The following PIP4K2A variants were observed in gnomAD, a reference collection of about 807,000 sequenced individuals.
The protein encoded by PIP4K2A is phosphatidylinositol-5-phosphate 4-kinase type 2 alpha, also known as phosphatidylinositol 5-phosphate 4-kinase type-2 alpha.
PIP4K2A carries 14 observed loss-of-function variants against 42.9 expected under a neutral mutation model. The observed-to-expected ratio is 0.33, with a 90% CI of 0.22 to 0.51. The LOEUF (loss-of-function observed/expected upper bound fraction) is 0.51, where lower values mean the gene tolerates loss of function less well. Among genes scored for constraint, PIP4K2A ranks in the 20% least tolerant of loss-of-function variants. The probability of loss-of-function intolerance (pLI) is 0.97; values close to 1 mark genes in which losing one functional copy is unlikely to be tolerated. For synonymous variants in PIP4K2A, 192 were observed against 192.2 expected (o/e 1.00, Z 0.01); for missense variants, 434 against 519.8 (o/e 0.83, Z 1.61).
intron 1 of PIP4K2A, among the ~76,000 whole-genome samples, chr10:22,647,128 A>C (rs1464881862): frequency 2.6e-5 from 4 of 152,232 alleles, no homozygotes; most frequent in Non-Finnish European, 4.4e-5. Context: ...TGGCCAAAGC[A>C]GAATAGGAAA....
At chr10:22,682,953 T>C (rs1196936517) in intron 1 of PIP4K2A, among the ~76,000 whole-genome samples, 1 of 152,198 alleles carries the variant, frequency 6.6e-6, no homozygotes, top group African/African-American at 2.4e-5. Flanking sequence ...TGTGCGGTCA[T>C]CTACCATGTC....
chr10:22,624,226 C>T (rs557129242), intron 1 of PIP4K2A, among the ~76,000 whole-genome samples: 25 of 152,302 alleles, frequency 1.6e-4, no homozygotes, highest in African/African-American at 6.0e-4. Flanking sequence ...CTGGGTTCCT[C>T]TGCTAGGAAA....
intron 7 of PIP4K2A, among the ~76,000 whole-genome samples, chr10:22,549,351 CTTTTTT>C (rs74261081): frequency 7.0e-6 from 1 of 141,872 alleles, no homozygotes; most frequent in Non-Finnish European, 1.5e-5. Flanking sequence ...TTTTCTTTTT[CTTTTTT>C]TTTTTTTGGT....
At chr10:22,575,909 G>A (rs1049121465) in intron 4 of PIP4K2A, among the ~76,000 whole-genome samples, 11 of 151,612 alleles carry the variant, frequency 7.3e-5, no homozygotes, top group African/African-American at 2.4e-4. Context: ...CTGTACTCCA[G>A]CCTAGGTGAC....
intron 6 of PIP4K2A, among the ~76,000 whole-genome samples, chr10:22,551,015 A>G (rs1028745762): frequency 6.6e-6 from 1 of 152,234 alleles, no homozygotes; most frequent in Non-Finnish European, 1.5e-5. Flanking sequence ...GACAGACTCC[A>G]TATCATAAGG....
At chr10:22,680,268 CTATAAATAAATTTTATAAAACAAGAA>C (rs1242244432) in intron 1 of PIP4K2A, among the ~76,000 whole-genome samples, 3 of 152,038 alleles carry the variant, frequency 2.0e-5, no homozygotes, top group Admixed American at 6.5e-5. Context: ...GAGTACAAAA[CTATAAATAAATTTTATAAAACAAGAA>C]TATATTTTTA....
At chr10:22,549,418 G>A (rs1211111836) in intron 7 of PIP4K2A, among the ~76,000 whole-genome samples, 1 of 151,522 alleles carries the variant, frequency 6.6e-6, no homozygotes, top group Non-Finnish European at 1.5e-5. Context: ...CTAAGTAGCA[G>A]ATCCGTACTG....
rs1837942319 is a variant in PIP4K2A at position 22,607,960 on chromosome 10, C to T, written c.306G>A (p.Arg102=). The T allele has an allele frequency of 6.2e-7, 1 of 1,613,238 alleles. No individual in the cohort carries two copies. Among genetic ancestry groups the T allele is most frequent in the East Asian group, 2.2e-5 (1 of 44,890 alleles). The change falls in exon 3 of 10, where the codon CGG becomes CGA. Residue 102 remains arginine, a synonymous_variant. Coordinates refer to ENST00000376573, the MANE Select transcript of PIP4K2A (RefSeq NM_005028.5). ...CTTGATCATCAATTCCAAACCTCTC[C>T]CGCAGGTTACGGAAGACCATCGGGC... ...EYCPMVFRNL[R]ERFGIDDQDF...
chr10:22,659,445 T>G (rs1485540597), intron 1 of PIP4K2A, among the ~76,000 whole-genome samples: 1 of 152,212 alleles, frequency 6.6e-6, no homozygotes, highest in African/African-American at 2.4e-5. Context: ...ATACAAAAAT[T>G]AGCTGGGCAT....
At chr10:22,587,867 T>C (rs1588645677) in intron 4 of PIP4K2A, among the ~76,000 whole-genome samples, 1 of 152,238 alleles carries the variant, frequency 6.6e-6, no homozygotes. Context: ...GGGTGTGATG[T>C]TTGACTCGGC....
chr10:22,547,115 C>A (rs923889788), intron 7 of PIP4K2A, among the ~76,000 whole-genome samples: 1 of 152,164 alleles, frequency 6.6e-6, no homozygotes, highest in African/African-American at 2.4e-5. Context: ...TAAGACTATC[C>A]TTCACAATGG....
intron 5 of PIP4K2A, among the ~76,000 whole-genome samples, chr10:22,568,178 G>A (rs1836895707): frequency 6.6e-6 from 1 of 152,232 alleles, no homozygotes; most frequent in African/African-American, 2.4e-5. Context: ...TAGAAAACCT[G>A]ACCATCACTT....
intron 1 of PIP4K2A, among the ~76,000 whole-genome samples, chr10:22,635,721 C>T (rs1281254093): frequency 9.9e-5 from 15 of 152,098 alleles, no homozygotes; most frequent in Non-Finnish European, 1.9e-4. Context: ...ATGACGAGGA[C>T]CCTCTAAGGA....
chr10:22,673,859 G>T (rs73598590), intron 1 of PIP4K2A, among the ~76,000 whole-genome samples: 313 of 152,206 alleles, frequency 2.1e-3, no homozygotes, highest in African/African-American at 7.1e-3. Context: ...TAATACACTG[G>T]ATGGCACTCA....
At chr10:22,704,189 A>T (rs1283104030) in intron 1 of PIP4K2A, among the ~76,000 whole-genome samples, 1 of 152,218 alleles carries the variant, frequency 6.6e-6, no homozygotes, top group Non-Finnish European at 1.5e-5. Flanking sequence ...TAATTGTAGA[A>T]GATGATCCTG....
chr10:22,712,167 A>T (rs1833921456), intron 1 of PIP4K2A, among the ~76,000 whole-genome samples: 1 of 152,212 alleles, frequency 6.6e-6, no homozygotes, highest in Non-Finnish European at 1.5e-5. Context: ...CAAATGTACT[A>T]TTTACAAGTC....
chr10:22,654,564 T>G (rs1839058831), intron 1 of PIP4K2A, among the ~76,000 whole-genome samples: 1 of 152,104 alleles, frequency 6.6e-6, no homozygotes, highest in Admixed American at 6.5e-5. Flanking sequence ...ACAGTGCTAG[T>G]GAAGCTGTCG....
intron 7 of PIP4K2A, among the ~76,000 whole-genome samples, chr10:22,542,508 T>C (rs934271087): frequency 6.6e-6 from 1 of 152,200 alleles, no homozygotes; most frequent in Non-Finnish European, 1.5e-5. Context: ...GTGGAGGCGA[T>C]TGTTACGCTG....
At chr10:22,706,341 T>A (rs952927391) in intron 1 of PIP4K2A, among the ~76,000 whole-genome samples, 1 of 152,010 alleles carries the variant, frequency 6.6e-6, no homozygotes, top group African/African-American at 2.4e-5. Context: ...TACCACTATA[T>A]CCCCCTCTTG....
Sources: allele counts gnomAD v4.1 joint callset (sites outside exome capture counted in the v4.1 genomes callset), GRCh38; gene constraint gnomAD v4.1.1; transcripts MANE v1.5; gene names NCBI Gene and HGNC (gene_info 2026-07-23, HGNC 2026-07-21).